ZNF684: variants seen among roughly 807,000 people sequenced by gnomAD.
The protein encoded by ZNF684 is zinc finger protein 684.
Under a neutral mutation model 12.8 loss-of-function variants are expected in ZNF684, and 13 were observed. The ratio of observed to expected loss-of-function variants is 1.02; its 90% confidence interval spans 0.66 to 1.62. ZNF684 has a LOEUF of 1.62. ZNF684 is among the 40% of genes most tolerant of loss of function. ZNF684 has a pLI of 0.00. For synonymous variants in ZNF684, 118 were observed against 151.8 expected (o/e 0.78, Z 1.64); for missense variants, 384 against 446.9 (o/e 0.86, Z 1.27).
rs142962661 is a variant in ZNF684, at chr1:40,546,691, C to T, written c.368C>T (p.Thr123Ile). 6.2e-7 allele frequency: 1 copy of T among 1,613,260 alleles called. No individual in the cohort carries two copies. The highest frequency in any genetic ancestry group is 8.5e-7 in the Non-Finnish European group (1 of 1,179,864). ...MERIHHYNMS[T>I]SLNPMRKKSY... ...AGAATCCACCATTATAATATGAGCA[C>T]AAGTCTTAATCCAATGAGAAAAAAA... The change falls in exon 5 of 5, where the codon ACA becomes ATA. Residue 123 changes from threonine (T) to isoleucine (I), a missense_variant. Transcript: ENST00000372699.
Position 40,547,171 on chromosome 1 carries a change from G to T in ZNF684, c.848G>T (p.Ser283Ile), listed in dbSNP as rs1323868688. ...CKECGKTFRY[S>I]SSLYKHSRFH... ...GAATGTGGGAAAACCTTCAGGTATA[G>T]TTCATCCCTTTATAAACATTCCAGA... Residue 283 changes from serine to isoleucine, a missense_variant, in exon 5 of 5, where the codon AGT becomes ATT. Physicochemically the swap from Ser to Ile is moderately radical, Grantham distance 142 (BLOSUM62 -2). Coordinates refer to ENST00000372699, the MANE Select transcript of ZNF684 (RefSeq NM_152373.4). 1.9e-6 allele frequency: 3 copies of T among 1,614,206 alleles called. No homozygotes were observed. The South Asian group carries it at 3.3e-5, about 18-fold the overall frequency.
rs55993619 is a variant in ZNF684, at chr1:40,545,915, CTTTTTTTTTTTTTT to C, written c.239-635_239-622del. ...AATCCCTTTGCCTTTGTCTCCTTTTCTTTTTTTTTTTTTTTTTTTTTTTTTGGAGATGGAGTCTC... is the reference window on the plus strand; with the variant it reads ...AATCCCTTTGCCTTTGTCTCCTTTTCTTTTTTTTTTTGGAGATGGAGTCTC... On this transcript the variant is annotated intron_variant, in intron 4 of 4. Coordinates refer to ENST00000372699, the MANE Select transcript of ZNF684 (RefSeq NM_152373.4). Among the ~76,000 whole-genome samples, 141 of 67,910 alleles carry C rather than the reference CTTTTTTTTTTTTTT, an allele frequency of 2.1e-3. 2 individuals carry two copies. Among genetic ancestry groups the C allele is most frequent in the African/African-American group, 7.1e-3 (112 of 15,750 alleles). 44.6% of individuals were successfully genotyped at this position (67,910 alleles called of 152,430 possible).
At chr1:40,536,395 C>CAAA (rs1166958237) in intron 2 of ZNF684, among the ~76,000 whole-genome samples, 1 of 52,024 alleles carries the variant, frequency 1.9e-5, no homozygotes, top group African/African-American at 7.0e-5. Flanking sequence ...CTCCGTCTCA[C>CAAA]AAAAAAAAAA....
rs190213145 is a variant in ZNF684, at chr1:40,546,818, G to A, written c.495G>A (p.Gly165=). The change falls in exon 5 of 5, where the codon GGG becomes GGA. Residue 165 remains glycine (G), a synonymous_variant. Coordinates refer to ENST00000372699, the MANE Select transcript of ZNF684 (RefSeq NM_152373.4). ...VENAYECSEC[G]KAFKKKFHFI... is the part of the protein sequence containing the mutation. ...ACGCTTATGAATGCAGTGAATGCGGGAAAGCCTTCAAAAAGAAGTTTCATT... is the reference window on the plus strand; with the variant it reads ...ACGCTTATGAATGCAGTGAATGCGGAAAAGCCTTCAAAAAGAAGTTTCATT... 6.2e-7 allele frequency: 1 copy of A among 1,611,846 alleles called. No homozygotes were observed. Among genetic ancestry groups the A allele is most frequent in the East Asian group, 2.2e-5 (1 of 44,884 alleles).
rs569612656 is a variant in ZNF684 at position 40,547,530 on chromosome 1, A to G, written c.*70A>G. 7.4e-7 allele frequency: 1 copy of G among 1,346,548 alleles called. No individual in the cohort carries two copies. Among genetic ancestry groups the G allele is most frequent in the Admixed American group, 2.7e-5 (1 of 36,458 alleles). 83.4% of individuals were successfully genotyped at this position (1,346,548 alleles called of 1,614,324 possible). ...AATCTTATTAAATACTAAAGAATTC[A>G]TGGTGAGAAGTCTACAATTTAAATG... On this transcript the variant is annotated 3_prime_UTR_variant, in exon 5 of 5. Transcript: ENST00000372699.
At chr1:40,541,051 AT>A (rs1463721058) in intron 3 of ZNF684, among the ~76,000 whole-genome samples, 1 of 149,158 alleles carries the variant, frequency 6.7e-6, no homozygotes, top group Non-Finnish European at 1.5e-5. Flanking sequence ...AAAAAAAAAA[AT>A]CGTATGAAAA....
At chr1:40,540,215 TCTAA>T (rs1383802974) in intron 2 of ZNF684, among the ~76,000 whole-genome samples, 1 of 152,220 alleles carries the variant, frequency 6.6e-6, no homozygotes, top group East Asian at 1.9e-4. Flanking sequence ...TCTGTTTTCT[TCTAA>T]CTGTTTGATA....
At chr1:40,534,617 T>C (rs1570105279) in intron 2 of ZNF684, among the ~76,000 whole-genome samples, 1 of 152,166 alleles carries the variant, frequency 6.6e-6, no homozygotes, top group Non-Finnish European at 1.5e-5. Context: ...TTCTTACATA[T>C]GGTTTTAGTT....
intron 1 of ZNF684, among the ~76,000 whole-genome samples, chr1:40,532,843 A>G (rs1645965106): frequency 1.3e-5 from 2 of 152,238 alleles, no homozygotes; most frequent in Admixed American, 1.3e-4. Flanking sequence ...TTCAGGATAA[A>G]TTTCTGGGAG....
chr1:40,541,690 A>G lies in ZNF684; in HGVS notation c.218A>G (p.Asn73Ser). The change falls in exon 4 of 5, where the codon AAT becomes AGT. Residue 73 changes from asparagine to serine, a missense_variant. Coordinates refer to ENST00000372699, the MANE Select transcript of ZNF684 (RefSeq NM_152373.4). Reference protein sequence around the residue: ...GQEPWMVEGANPHESSPESDY... With the variant: ...GQEPWMVEGASPHESSPESDY... ...GAGCCATGGATGGTGGAGGGAGCGA[A>G]TCCACACGAGAGCTCTCCAGGTGAG... The G allele has an allele frequency of 1.2e-6, 2 of 1,613,254 alleles. No homozygotes were observed. The highest frequency in any genetic ancestry group is 1.7e-4 in the Middle Eastern group (1 of 6,058).
rs532470707 is a variant in ZNF684 at position 40,541,868 on chromosome 1, T to C, written c.238+158T>C. ...AGCTCCCCAAAAGCTGCCTTCACCC[T>C]CATTCTCCCCACACGTGCCCTTTCT... On this transcript the variant is annotated intron_variant, in intron 4 of 4. Coordinates refer to ENST00000372699, the MANE Select transcript of ZNF684 (RefSeq NM_152373.4). 9.8e-3 allele frequency among the ~76,000 whole-genome samples: 1,489 copies of C among 152,224 alleles called. 10 individuals are homozygous for C. The highest frequency in any genetic ancestry group is 0.031 in the Middle Eastern group (9 of 294).
chr1:40,538,834 A>C (rs972009882), intron 2 of ZNF684, among the ~76,000 whole-genome samples: 1 of 151,304 alleles, frequency 6.6e-6, no homozygotes, highest in Non-Finnish European at 1.5e-5. Flanking sequence ...AAAAACAAAC[A>C]AACAAACAAA....
At chr1:40,540,811 T>C (rs1490515253) in intron 3 of ZNF684, 99 bp downstream of exon 3, 2 of 1,228,274 alleles carry the variant, frequency 1.6e-6, no homozygotes, top group Non-Finnish European at 2.2e-6. Flanking sequence ...TGGTCGCTCA[T>C]GCTTATAATC....
intron 2 of ZNF684, among the ~76,000 whole-genome samples, chr1:40,535,193 C>T (rs1402113672): frequency 6.6e-6 from 1 of 152,164 alleles, no homozygotes; most frequent in African/African-American, 2.4e-5. Flanking sequence ...GACTTCTAGT[C>T]ACTGCAGTTT....
intron 4 of ZNF684, among the ~76,000 whole-genome samples, chr1:40,543,899 C>A (rs2124511567): frequency 6.6e-6 from 1 of 152,224 alleles, no homozygotes. Flanking sequence ...AACTCCCAAG[C>A]CAATTCTATT....
rs184078300 is a variant in ZNF684, at chr1:40,541,589, C to A, written c.143-26C>A. ...TTGTTTGCCTAGCACTTTGGCCCCA[C>A]TTCTATGCTGTTTTCCCACCAACAG... On this transcript the variant is annotated intron_variant, in intron 3 of 4. Coordinates refer to ENST00000372699, the MANE Select transcript of ZNF684 (RefSeq NM_152373.4). 138 of 1,602,906 alleles carry A rather than the reference C, an allele frequency of 8.6e-5. No homozygotes were observed. The African/African-American group carries it at 1.6e-3, about 19-fold the overall frequency.
intron 4 of ZNF684, among the ~76,000 whole-genome samples, chr1:40,543,952 A>AT (rs1646030388): frequency 6.6e-6 from 1 of 150,630 alleles, no homozygotes; most frequent in Non-Finnish European, 1.5e-5. Flanking sequence ...TCTTGGATAT[A>AT]TTTTTTTAAT....
intron 1 of ZNF684, among the ~76,000 whole-genome samples, chr1:40,532,915 TA>T (rs1380778248): frequency 2.6e-5 from 4 of 152,206 alleles, no homozygotes; most frequent in African/African-American, 9.7e-5. Flanking sequence ...CAGAAACATA[TA>T]ACATCCTTAT....
At chr1:40,533,098 G>A in intron 1 of ZNF684, 45 bp from the exon 2 acceptor site, 2 of 1,530,528 alleles carry the variant, frequency 1.3e-6, no homozygotes, top group Non-Finnish European at 9.0e-7. Flanking sequence ...TGCAGTCCTG[G>A]TATCTCAGGT....
Sources: allele counts gnomAD v4.1 joint callset (sites outside exome capture counted in the v4.1 genomes callset), GRCh38; gene constraint gnomAD v4.1.1; transcripts MANE v1.5; gene names NCBI Gene and HGNC (gene_info 2026-07-23, HGNC 2026-07-21).